The following SMYD3 variants were observed in gnomAD, a reference collection of about 807,000 sequenced individuals.
SMYD3 encodes the protein SET and MYND domain containing 3.
A neutral mutation model predicts 57.7 loss-of-function variants in SMYD3; 36 were observed. The ratio of observed to expected loss-of-function variants is 0.62; its 90% CI spans 0.48 to 0.82. The LOEUF is 0.82. Among genes scored for constraint, SMYD3 ranks in the 40% least tolerant of loss-of-function variants. SMYD3 has a pLI of 0.00. For synonymous variants in SMYD3, 211 were observed against 195.0 expected (o/e 1.08, Z -0.68); for missense variants, 515 against 538.8 (o/e 0.96, Z 0.44).
intron 5 of SMYD3, among the ~76,000 whole-genome samples, chr1:246,315,948 G>A (rs184547934): frequency 6.6e-6 from 1 of 152,184 alleles, no homozygotes; most frequent in East Asian, 1.9e-4. Context: ...AAAACACTCT[G>A]TTTCTGCCTA....
At chr1:246,151,117 G>A (rs898194751) in intron 5 of SMYD3, among the ~76,000 whole-genome samples, 2 of 151,978 alleles carry the variant, frequency 1.3e-5, no homozygotes, top group Non-Finnish European at 2.9e-5. Flanking sequence ...GCGGTGGCGG[G>A]CACCTGTAAT....
intron 5 of SMYD3, among the ~76,000 whole-genome samples, chr1:246,018,531 T>C: frequency 6.6e-6 from 1 of 152,258 alleles, no homozygotes; most frequent in East Asian, 1.9e-4. Flanking sequence ...TTTAAATGTT[T>C]GCCATCATAT....
chr1:246,374,451 C>T (rs2066238999), intron 1 of SMYD3, among the ~76,000 whole-genome samples: 1 of 152,128 alleles, frequency 6.6e-6, no homozygotes. Flanking sequence ...ACAGTGTAAG[C>T]GTCCTTTTTG....
rs985243283 is a variant in SMYD3 at position 246,330,905 on chromosome 1, C to A, written c.337-368G>T. On this transcript the variant is annotated intron_variant, in intron 3 of 11. Coordinates refer to ENST00000490107, the MANE Select transcript of SMYD3 (RefSeq NM_001167740.2). ...TCCCCGATACTTTGGGAGGCCGAGGCAGGCAGATTGCTTTAGCCCAGGAGT... is the reference window on the plus strand; with the variant it reads ...TCCCCGATACTTTGGGAGGCCGAGGAAGGCAGATTGCTTTAGCCCAGGAGT... 7.9e-5 allele frequency among the ~76,000 whole-genome samples: 12 copies of A among 152,272 alleles called. No homozygotes were observed. In the East Asian group the frequency reaches 2.1e-3, roughly 27 times the overall value.
intron 7 of SMYD3, among the ~76,000 whole-genome samples, chr1:245,915,950 A>G (rs760563823): frequency 1.3e-5 from 2 of 152,190 alleles, no homozygotes; most frequent in African/African-American, 4.8e-5. Context: ...AAACTGTTGT[A>G]TGTTTACTAA....
intron 10 of SMYD3, among the ~76,000 whole-genome samples, chr1:245,776,346 A>C (rs1197464939): frequency 6.6e-6 from 1 of 152,084 alleles, no homozygotes; most frequent in Non-Finnish European, 1.5e-5. Flanking sequence ...TTACATCAGT[A>C]AGAAAGGAGC....
At chr1:246,215,741 C>T (rs1892212) in intron 5 of SMYD3, among the ~76,000 whole-genome samples, 41,298 of 151,740 alleles carry the variant, frequency 0.27, 6,394 homozygotes, top group East Asian at 0.58. Context: ...GCTTCTGTTA[C>T]GTAAAGCCAA....
At chr1:246,311,103 G>A (rs977481075) in intron 5 of SMYD3, among the ~76,000 whole-genome samples, 3 of 152,148 alleles carry the variant, frequency 2.0e-5, no homozygotes, top group African/African-American at 7.2e-5. Flanking sequence ...TTGAAAACAT[G>A]AGTTGTTTTC....
chr1:246,188,467 T>C (rs112625611), intron 5 of SMYD3, among the ~76,000 whole-genome samples: 39 of 152,312 alleles, frequency 2.6e-4, no homozygotes, highest in African/African-American at 9.4e-4. Context: ...ATTTTAAGTG[T>C]ACACTTCAAT....
chr1:245,984,378 C>G (rs935373334), intron 5 of SMYD3, among the ~76,000 whole-genome samples: 8 of 152,176 alleles, frequency 5.3e-5, no homozygotes, highest in Admixed American at 1.3e-4. Context: ...AGGAACAAAG[C>G]CCATCAACTT....
intron 8 of SMYD3, among the ~76,000 whole-genome samples, chr1:245,870,959 A>G (rs2052159888): frequency 6.6e-6 from 1 of 152,200 alleles, no homozygotes; most frequent in African/African-American, 2.4e-5. Context: ...CTCATTAAAA[A>G]GAAGAGGAAC....
intron 5 of SMYD3, chr1:246,113,790 T>C (rs2061294435): frequency 6.6e-6 from 1 of 152,150 alleles, no homozygotes; most frequent in South Asian, 2.1e-4. Context: ...CAGAAATAAA[T>C]ACATAAATAT....
chr1:245,836,549 C>T (rs760959522), intron 10 of SMYD3, among the ~76,000 whole-genome samples: 7 of 152,156 alleles, frequency 4.6e-5, no homozygotes, highest in East Asian at 1.9e-4. Flanking sequence ...GTGTTCCATC[C>T]GCTGCTGGGC....
At chr1:246,216,395 C>A (rs1372511894) in intron 5 of SMYD3, among the ~76,000 whole-genome samples, 2 of 151,826 alleles carry the variant, frequency 1.3e-5, no homozygotes, top group Non-Finnish European at 2.9e-5. Context: ...GACGCACTGA[C>A]AAATATCTTC....
At chr1:246,491,275 C>T (rs1397232150) in intron 1 of SMYD3, among the ~76,000 whole-genome samples, 2 of 152,176 alleles carry the variant, frequency 1.3e-5, no homozygotes, top group South Asian at 2.1e-4. Flanking sequence ...CGGTGGATCA[C>T]GCCTGTAATC....
chr1:246,445,446 T>C (rs1396425280), intron 1 of SMYD3, among the ~76,000 whole-genome samples: 3 of 152,192 alleles, frequency 2.0e-5, no homozygotes, highest in African/African-American at 4.8e-5. Flanking sequence ...AATCAGAGTA[T>C]AGTTTAAGGT....
In SMYD3 at chr1:246,355,037, C is replaced by T. The variant is rs1248268509; in HGVS notation, c.222G>A (p.Lys74=). Residue 74 remains lysine, a synonymous_variant, in exon 2 of 12, where the codon AAG becomes AAA. Coordinates refer to ENST00000490107, the MANE Select transcript of SMYD3 (RefSeq NM_001167740.2). The surrounding 1 kb of genome is among the most constrained non-coding windows in gnomAD (Gnocchi z 5.0). ...QCRVAKYCSA[K]CQKKAWPDHK... is the part of the protein sequence containing the mutation. Reference sequence around the variant, plus strand: ...TATGGCTGAAAAGTCTTACCTGACACTTAGCACTACAGTATTTGGCGACGC... The same window carrying T: ...TATGGCTGAAAAGTCTTACCTGACATTTAGCACTACAGTATTTGGCGACGC... 6.2e-7 allele frequency: 1 copy of T among 1,614,102 alleles called. No individual in the cohort carries two copies. The highest frequency in any genetic ancestry group is 8.5e-7 in the Non-Finnish European group (1 of 1,179,966).
At chr1:246,381,406 T>C (rs929964354) in intron 1 of SMYD3, among the ~76,000 whole-genome samples, 3 of 152,212 alleles carry the variant, frequency 2.0e-5, no homozygotes, top group Non-Finnish European at 2.9e-5. Context: ...TGGGATGGCA[T>C]TAAAGTGATT....
chr1:245,835,884 G>T (rs147918905), intron 10 of SMYD3, among the ~76,000 whole-genome samples: 1 of 152,152 alleles, frequency 6.6e-6, no homozygotes, highest in African/African-American at 2.4e-5. Flanking sequence ...TCTGTTCTCC[G>T]TCGACGTGAC....
Sources: allele counts gnomAD v4.1 joint callset (sites outside exome capture counted in the v4.1 genomes callset), GRCh38; gene constraint gnomAD v4.1.1; non-coding constraint Gnocchi (gnomAD v3.1); transcripts MANE v1.5; gene names NCBI Gene and HGNC (gene_info 2026-07-23, HGNC 2026-07-21).